Variants in ASMT observed in about 807,000 individuals in gnomAD.
ASMT encodes acetylserotonin N-methyltransferase.
In ASMT, 53 loss-of-function variants were observed where a neutral mutation model predicts 41.3. The observed-to-expected ratio is 1.28, with a 90% CI of 1.03 to 1.61. The LOEUF is 1.61. ASMT is among the 40% of genes most tolerant of loss of function. The probability of loss-of-function intolerance (pLI) is 0.00; values close to 1 mark genes in which losing one functional copy is unlikely to be tolerated. For missense variants in ASMT, 531 were observed against 441.3 expected (o/e 1.20, Z -1.82); for synonymous variants, 231 against 184.8 (o/e 1.25, Z -2.03).
chrX:1,620,377 A>G (rs1934297074), intron 1 of ASMT, among the ~76,000 whole-genome samples: 2 of 151,592 alleles, frequency 1.3e-5, no homozygotes, highest in South Asian at 4.2e-4. Context: ...TATGTTGGCC[A>G]GGCTGGTGTC....
chrX:1,630,842 G>T (rs186001184), intron 5 of ASMT, among the ~76,000 whole-genome samples: 1 of 151,434 alleles, frequency 6.6e-6, no homozygotes, highest in East Asian at 2.0e-4. Context: ...ACAGGCGCCC[G>T]CCACCACACC....
chrX:1,636,358 G>C, intron 7 of ASMT, 80 bp from the exon 8 acceptor site: 1 of 1,606,862 alleles, frequency 6.2e-7, no homozygotes, highest in Non-Finnish European at 8.5e-7. Context: ...CCATCCAGGT[G>C]ACCTTTTGTG....
intron 1 of ASMT, among the ~76,000 whole-genome samples, chrX:1,616,808 A>C (rs1569368522): frequency 6.6e-6 from 1 of 151,228 alleles, no homozygotes; most frequent in African/African-American, 2.4e-5. Context: ...TCCCAGGTTC[A>C]CGCCATTCTC....
intron 1 of ASMT, among the ~76,000 whole-genome samples, chrX:1,617,182 T>C (rs1431864234): frequency 6.7e-6 from 1 of 149,136 alleles, no homozygotes; most frequent in African/African-American, 2.5e-5. Context: ...CTTTAAAAAA[T>C]AAACGGCAGG....
At chrX:1,616,367 G>C (rs1287995513) in intron 1 of ASMT, among the ~76,000 whole-genome samples, 4 of 151,430 alleles carry the variant, frequency 2.6e-5, no homozygotes, top group South Asian at 2.1e-4. Flanking sequence ...CATATGGTAT[G>C]ACTTCATTTA....
chrX:1,642,913 A>G lies in ASMT; in HGVS notation c.1021A>G (p.Thr341Ala), dbSNP rs766851228. Reference protein sequence around the residue: ...MLVQTEGQERTPTHYHMLLSS... With the variant: ...MLVQTEGQERAPTHYHMLLSS... ...TGTGCAGACGGAAGGGCAGGAGAGG[A>G]CCCCCACCCACTACCACATGCTCCT... The change falls in exon 9 of 9, where the codon ACC (threonine) becomes GCC (alanine). Residue 341 changes from threonine (T) to alanine (A), a missense_variant. Thr to Ala is a moderately conservative substitution (Grantham distance 58). Transcript: ENST00000381241. 1 of 1,611,068 alleles carries G rather than the reference A, an allele frequency of 6.2e-7. No homozygotes were observed. Among genetic ancestry groups the G allele is most frequent in the Admixed American group, 1.7e-5 (1 of 59,716 alleles).
intron 8 of ASMT, 45 bp downstream of exon 8, chrX:1,636,605 G>C: frequency 6.2e-7 from 1 of 1,613,482 alleles, no homozygotes; most frequent in South Asian, 1.1e-5. Flanking sequence ...GTGACACGGG[G>C]CAGAATTGTA....
intron 8 of ASMT, among the ~76,000 whole-genome samples, chrX:1,641,654 GGTGGTCC>G (rs1935174938): frequency 2.7e-5 from 4 of 146,248 alleles, no homozygotes; most frequent in Admixed American, 1.4e-4. Flanking sequence ...CACCCATCCT[GGTGGTCC>G]ATGAGTACAT....
intron 3 of ASMT, 50 bp from the exon 4 acceptor site, chrX:1,627,652 AT>A: frequency 2.2e-6 from 3 of 1,358,632 alleles, no homozygotes; most frequent in African/African-American, 1.4e-5. Flanking sequence ...ATGAAATGAA[AT>A]GAAATGAAAT....
intron 3 of ASMT, among the ~76,000 whole-genome samples, chrX:1,625,321 G>A (rs767437420): frequency 6.6e-6 from 1 of 151,368 alleles, no homozygotes; most frequent in East Asian, 2.0e-4. Flanking sequence ...AGCCAGGATG[G>A]TCTCCATCTC....
intron 7 of ASMT, among the ~76,000 whole-genome samples, chrX:1,635,261 G>A (rs755699717): frequency 5.3e-5 from 8 of 151,616 alleles, no homozygotes; most frequent in African/African-American, 1.9e-4. Flanking sequence ...TGGGATTACA[G>A]GCGTGAGCCA....
At chrX:1,631,778 G>C (rs1246519346) in intron 5 of ASMT, among the ~76,000 whole-genome samples, 1 of 151,966 alleles carries the variant, frequency 6.6e-6, no homozygotes, top group Non-Finnish European at 1.5e-5. Flanking sequence ...GGCTGGGTGC[G>C]GTGGCTCATG....
chrX:1,619,352 C>T (rs1287737490), intron 1 of ASMT, among the ~76,000 whole-genome samples: 2 of 150,128 alleles, frequency 1.3e-5, no homozygotes, highest in Non-Finnish European at 3.0e-5. Flanking sequence ...CGAGATCACG[C>T]CACTGCACTC....
intron 5 of ASMT, among the ~76,000 whole-genome samples, chrX:1,631,774 G>T (rs1934786282): frequency 6.6e-6 from 1 of 152,116 alleles, no homozygotes; most frequent in South Asian, 2.1e-4. Context: ...AAAAGGCTGG[G>T]TGCGGTGGCT....
chrX:1,635,113 T>C lies in ASMT; in HGVS notation c.788-1325T>C, dbSNP rs772459422. Among the ~76,000 whole-genome samples the C allele has an allele frequency of 4.6e-4, 69 of 150,072 alleles. 1 individual carries two copies. The highest frequency in any genetic ancestry group is 8.0e-4 in the Non-Finnish European group (54 of 67,696). ...CCTCAGCCTCCCGAGTAGCTGGGAC[T>C]ACAGGCGCCCACCACCACGCCCAGC... On this transcript the variant is annotated intron_variant, in intron 7 of 8. Coordinates refer to ENST00000381241, the MANE Select transcript of ASMT (RefSeq NM_001171038.2).
chrX:1,627,398 G>A (rs1934591099), intron 3 of ASMT, among the ~76,000 whole-genome samples: 1 of 151,840 alleles, frequency 6.6e-6, no homozygotes, highest in African/African-American at 2.4e-5. Context: ...GAGGCGGGTG[G>A]ATCACCTGAG....
Position 1,615,110 on chromosome X carries a change from G to A in ASMT, c.-90G>A, listed in dbSNP as rs1934027824. On this transcript the variant is annotated 5_prime_UTR_variant, in exon 1 of 9. In the 5' UTR this introduces an upstream ATG that the reference lacks. Coordinates refer to ENST00000381241, the MANE Select transcript of ASMT (RefSeq NM_001171038.2). ...AGAGTCAGGCAGCAGCTGTGAGCGG[G>A]TGGCTCTTCCCCACCTTGCCAGCAG... The A allele has an allele frequency of 3.5e-6, 4 of 1,139,926 alleles. No homozygotes were observed. Among genetic ancestry groups the A allele is most frequent in the Non-Finnish European group, 5.2e-6 (4 of 770,424 alleles). The allele number at this position is 1,139,926 out of a possible 1,614,324, so 70.6% of individuals were successfully genotyped here. A position where few individuals can be genotyped will look rare whatever the true frequency, so the allele number is the denominator to read the frequency against.
At chrX:1,629,715 C>A in intron 4 of ASMT, 106 bp from the exon 5 acceptor site, 1 of 1,017,304 alleles carries the variant, frequency 9.8e-7, no homozygotes, top group African/African-American at 1.6e-5. Flanking sequence ...CTTCCAGGTG[C>A]ACCTGTGGGG....
At chrX:1,618,969 T>G (rs1316358695) in intron 1 of ASMT, among the ~76,000 whole-genome samples, 4 of 152,276 alleles carry the variant, frequency 2.6e-5, no homozygotes, top group Admixed American at 2.0e-4. Flanking sequence ...TGTCAGAAGT[T>G]TCACAGAACC....
Sources: allele counts gnomAD v4.1 joint callset (sites outside exome capture counted in the v4.1 genomes callset), GRCh38; gene constraint gnomAD v4.1.1; transcripts MANE v1.5; gene names NCBI Gene and HGNC (gene_info 2026-07-23, HGNC 2026-07-21).